NLGN1: variants seen among roughly 807,000 people sequenced by gnomAD.
The protein encoded by NLGN1 is neuroligin 1.
A neutral mutation model predicts 65.5 loss-of-function variants in NLGN1; 12 were observed. That is an observed-to-expected ratio of 0.18 (90% CI 0.12 to 0.30). The LOEUF is 0.30. NLGN1 is among the 10% of genes least tolerant of loss of function. NLGN1 has a pLI of 1.00. For synonymous variants in NLGN1, 350 were observed against 359.5 expected (o/e 0.97, Z 0.30); for missense variants, 750 against 1,007.1 (o/e 0.74, Z 3.46).
At chr3:174,109,294 T>TA in intron 4 of NLGN1, among the ~76,000 whole-genome samples, 1 of 152,168 alleles carries the variant, frequency 6.6e-6, no homozygotes, top group Middle Eastern at 3.4e-3. Context: ...CCTTCAGTTT[T>TA]AAAAATATTT....
chr3:173,439,700 T>C (rs1207077091), intron 2 of NLGN1, among the ~76,000 whole-genome samples: 1 of 152,130 alleles, frequency 6.6e-6, no homozygotes, highest in Non-Finnish European at 1.5e-5. Context: ...AAGCATGCAA[T>C]ACCACTGAAT....
At chr3:173,413,561 C>G (rs1005195543) in intron 1 of NLGN1, among the ~76,000 whole-genome samples, 4 of 152,056 alleles carry the variant, frequency 2.6e-5, no homozygotes, top group Non-Finnish European at 5.9e-5. Flanking sequence ...CATCATGCCA[C>G]TGTACTCCAG....
chr3:173,514,718 C>T (rs1733547776), intron 2 of NLGN1, among the ~76,000 whole-genome samples: 1 of 152,100 alleles, frequency 6.6e-6, no homozygotes, highest in Non-Finnish European at 1.5e-5. Context: ...CCCCTTGAAT[C>T]TGATAATTTT....
intron 4 of NLGN1, among the ~76,000 whole-genome samples, chr3:174,076,383 G>A (rs1360939851): frequency 6.6e-6 from 1 of 151,844 alleles, no homozygotes; most frequent in Non-Finnish European, 1.5e-5. Flanking sequence ...GGGAAATAAG[G>A]CCTTACCCTT....
At chr3:174,225,358 G>T (rs950195335) in intron 4 of NLGN1, among the ~76,000 whole-genome samples, 8 of 152,110 alleles carry the variant, frequency 5.3e-5, no homozygotes, top group Non-Finnish European at 7.3e-5. Flanking sequence ...TTAGCAACCG[G>T]TATCTGGTCC....
intron 4 of NLGN1, among the ~76,000 whole-genome samples, chr3:174,172,151 A>G (rs1258190392): frequency 6.6e-6 from 1 of 151,904 alleles, no homozygotes; most frequent in Non-Finnish European, 1.5e-5. Context: ...TTTTCATATG[A>G]TCATAGTCAT....
At chr3:173,855,228 T>A (rs1370628790) in intron 4 of NLGN1, among the ~76,000 whole-genome samples, 1 of 152,104 alleles carries the variant, frequency 6.6e-6, no homozygotes, top group African/African-American at 2.4e-5. Context: ...CTGTATGTAA[T>A]CCCAAGTTGC....
chr3:173,634,009 GTAAT>G (rs1756169877), intron 3 of NLGN1, among the ~76,000 whole-genome samples: 1 of 152,022 alleles, frequency 6.6e-6, no homozygotes, highest in African/African-American at 2.4e-5. Context: ...ACTTGCCTAA[GTAAT>G]TCTCTACTAG....
intron 3 of NLGN1, among the ~76,000 whole-genome samples, chr3:173,628,322 C>A (rs1335172904): frequency 1.3e-5 from 2 of 152,152 alleles, no homozygotes; most frequent in African/African-American, 4.8e-5. Flanking sequence ...CCACCTTATT[C>A]TTCGTTTACT....
intron 3 of NLGN1, among the ~76,000 whole-genome samples, chr3:173,606,030 C>T (rs1294680710): frequency 6.6e-6 from 1 of 151,950 alleles, no homozygotes; most frequent in East Asian, 1.9e-4. Flanking sequence ...CTCAGCATTC[C>T]ATCTGAACAC....
intron 4 of NLGN1, among the ~76,000 whole-genome samples, chr3:173,992,729 A>G (rs951519244): frequency 3.9e-5 from 6 of 152,194 alleles, no homozygotes; most frequent in African/African-American, 7.2e-5. Flanking sequence ...TTTCATTTTT[A>G]TAGACCCAGA....
At chr3:173,413,364 G>T (rs1178910920) in intron 1 of NLGN1, among the ~76,000 whole-genome samples, 2 of 152,110 alleles carry the variant, frequency 1.3e-5, no homozygotes, top group Non-Finnish European at 2.9e-5. Flanking sequence ...CACTTTGGGA[G>T]GCTGAGGTGG....
chr3:173,868,876 T>C (rs1422433217), intron 4 of NLGN1, among the ~76,000 whole-genome samples: 2 of 151,770 alleles, frequency 1.3e-5, no homozygotes, highest in East Asian at 1.9e-4. Flanking sequence ...ACTTAAAAAG[T>C]AGGGAGAGAG....
rs144525613 is a variant in NLGN1, at chr3:173,534,412, G to A, written c.-320-69867G>A. Among the ~76,000 whole-genome samples the A allele has an allele frequency of 6.7e-3, 1,019 of 152,044 alleles. 18 individuals are homozygous for A. Among genetic ancestry groups the A allele is most frequent in the African/African-American group, 0.023 (964 of 41,470 alleles). The stretch of plus-strand genomic sequence containing the variant: ...AGGTTGCCCTTCATTCAAATCACTG[G>A]GGGCTTTTCTTCAAACTGGCCCCAG... On this transcript the variant is annotated intron_variant, in intron 2 of 6. Transcript: ENST00000457714.
chr3:173,865,672 G>T (rs1730006550), intron 4 of NLGN1, among the ~76,000 whole-genome samples: 1 of 152,134 alleles, frequency 6.6e-6, no homozygotes. Flanking sequence ...CAGAGACATT[G>T]CCCTGAAACT....
intron 4 of NLGN1, among the ~76,000 whole-genome samples, chr3:174,190,477 T>C (rs1252857270): frequency 1.3e-5 from 2 of 152,036 alleles, no homozygotes; most frequent in African/African-American, 4.8e-5. Context: ...ATTTTTAAAA[T>C]TAAACTTATT....
chr3:173,583,083 A>G (rs989803873), intron 2 of NLGN1, among the ~76,000 whole-genome samples: 9 of 152,252 alleles, frequency 5.9e-5, no homozygotes, highest in Non-Finnish European at 1.0e-4. Context: ...GTTCCATTGG[A>G]CTAGTTTCTA....
intron 3 of NLGN1, among the ~76,000 whole-genome samples, chr3:173,709,695 C>T (rs776220068): frequency 2.7e-5 from 4 of 148,806 alleles, no homozygotes; most frequent in Non-Finnish European, 5.9e-5. Flanking sequence ...CCCAGCTACT[C>T]GAGAGGCTGA....
At chr3:173,516,247 C>G (rs1523345) in intron 2 of NLGN1, among the ~76,000 whole-genome samples, 188 of 152,054 alleles carry the variant, frequency 1.2e-3, no homozygotes, top group African/African-American at 4.2e-3. Context: ...GATATTCTAA[C>G]TTACTATTAT....
Sources: allele counts gnomAD v4.1 joint callset (sites outside exome capture counted in the v4.1 genomes callset), GRCh38; gene constraint gnomAD v4.1.1; transcripts MANE v1.5; gene names NCBI Gene and HGNC (gene_info 2026-07-23, HGNC 2026-07-21).